LMNB1: variants seen among roughly 807,000 people sequenced by gnomAD.
LMNB1 encodes the protein lamin B1, also known as lamin-B1.
A neutral mutation model predicts 67.1 loss-of-function variants in LMNB1; 23 were observed. The observed-to-expected ratio is 0.34, with a 90% confidence interval of 0.25 to 0.49. The LOEUF (loss-of-function observed/expected upper bound fraction) is 0.49, where lower values mean the gene tolerates loss of function less well. Among genes scored for constraint, LMNB1 ranks in the 20% least tolerant of loss-of-function variants. LMNB1 has a pLI of 0.99. For missense variants in LMNB1, 634 were observed against 746.5 expected, an observed-to-expected ratio of 0.85 and a Z score of 1.76; for synonymous variants, 281 against 282.9, an observed-to-expected ratio of 0.99 and a Z score of 0.07.
chr5:126,778,082 G>T (rs1238817462), intron 1 of LMNB1, among the ~76,000 whole-genome samples: 1 of 152,202 alleles, frequency 6.6e-6, no homozygotes, highest in Admixed American at 6.5e-5. Flanking sequence ...AGCGCTGGGG[G>T]GCCGTGATGC....
chr5:126,812,152 C>T (rs1444831148), intron 5 of LMNB1, among the ~76,000 whole-genome samples: 1 of 152,170 alleles, frequency 6.6e-6, no homozygotes, highest in Non-Finnish European at 1.5e-5. Context: ...AGGAAGGAGC[C>T]TGCTAGTTTA....
At chr5:126,778,789 T>C (rs751595087) in intron 1 of LMNB1, among the ~76,000 whole-genome samples, 6 of 152,178 alleles carry the variant, frequency 3.9e-5, no homozygotes, top group Non-Finnish European at 7.3e-5. Context: ...AGTCGACCAC[T>C]GTGCAGATAG....
At chr5:126,818,150 T>A (rs1343096857) in intron 5 of LMNB1, among the ~76,000 whole-genome samples, 1 of 152,172 alleles carries the variant, frequency 6.6e-6, no homozygotes, top group Non-Finnish European at 1.5e-5. Flanking sequence ...CCAGAGTCCC[T>A]TTGCCTTGGT....
chr5:126,787,546 A>ATATATATATATATATATATATTTT, intron 1 of LMNB1, among the ~76,000 whole-genome samples: 1 of 65,584 alleles, frequency 1.5e-5, no homozygotes, highest in Non-Finnish European at 2.7e-5. Context: ...ATATATATAT[A>ATATATATATATATATATATATTTT]TTTTTTTTTT....
At chr5:126,810,132 G>A (rs1301938808) in intron 3 of LMNB1, 48 bp from the exon 4 acceptor site, 1 of 1,546,562 alleles carries the variant, frequency 6.5e-7, no homozygotes, top group Admixed American at 1.7e-5. Context: ...GTGTACCAAT[G>A]CAGCCATGGT....
intron 9 of LMNB1, among the ~76,000 whole-genome samples, chr5:126,831,268 TAC>T (rs147231856): frequency 7.1e-4 from 108 of 152,304 alleles, no homozygotes; most frequent in African/African-American, 2.4e-3. Context: ...TAGGACAGGG[TAC>T]AGAATAAAAT....
At position 126,810,358 on chromosome 5, in the gene LMNB1, C is replaced by T. The variant is rs759937381; in HGVS notation, c.813+8C>T. On this transcript the variant is annotated splice_region_variant and intron_variant, in intron 4 of 10. Transcript: ENST00000261366. ...CAGACTTACCATGCCAAAGTGAGCTCTCTTCAGAAGATTCTTTTGAACACT... is the reference window on the plus strand; with the variant it reads ...CAGACTTACCATGCCAAAGTGAGCTTTCTTCAGAAGATTCTTTTGAACACT... 2 of 1,586,084 alleles carry T rather than the reference C, an allele frequency of 1.3e-6. No homozygotes were observed. Among genetic ancestry groups the T allele is most frequent in the East Asian group, 4.5e-5 (2 of 44,308 alleles).
rs1003311910 is a variant in LMNB1, at chr5:126,836,395, G to A, written c.*131G>A. 1 of 649,404 alleles carries A rather than the reference G, an allele frequency of 1.5e-6. No homozygotes were observed. Among genetic ancestry groups the A allele is most frequent in the Non-Finnish European group, 2.7e-6 (1 of 372,972 alleles). 40.2% of individuals were successfully genotyped at this position (649,404 alleles called of 1,614,324 possible). A position where few individuals can be genotyped will look rare whatever the true frequency, so the allele number is the denominator to read the frequency against. On this transcript the variant is annotated 3_prime_UTR_variant, in exon 11 of 11. Transcript: ENST00000261366. ...GAATTTTTAAGCTGCAAATCTGATG[G>A]CCTTAATTTCCTTTTTGACACTGAA...
Position 126,836,217 on chromosome 5 carries a change from C to A in LMNB1, c.1720-6C>A. The A allele has an allele frequency of 6.2e-7, 1 of 1,605,218 alleles. No individual in the cohort carries two copies. Among genetic ancestry groups the A allele is most frequent in the Non-Finnish European group, 8.5e-7 (1 of 1,172,872 alleles). ...TATTAATTTTTCCTTCTGTTTTCCT[C>A]ATCAGGGAACCCCAAGAGCATCCAA... On this transcript the variant is annotated splice_region_variant and splice_polypyrimidine_tract_variant and intron_variant, in intron 10 of 10. Transcript: ENST00000261366.
chr5:126,836,552 C>CTT lies in LMNB1; in HGVS notation c.*296_*297dup. ...GACTTTTTTTGTATGTGTGTTTTTT[C>CTT]TTTTTTTTTAAGTTCTTATGAGGAG... is the stretch of plus-strand genomic sequence containing the variant. On this transcript the variant is annotated 3_prime_UTR_variant, in exon 11 of 11. Coordinates refer to ENST00000261366, the MANE Select transcript of LMNB1 (RefSeq NM_005573.4). 2.9e-6 allele frequency: 1 copy of CTT among 342,040 alleles called. No homozygotes were observed. Among genetic ancestry groups the CTT allele is most frequent in the Non-Finnish European group, 5.2e-6 (1 of 193,186 alleles). 21.2% of individuals were successfully genotyped at this position (342,040 alleles called of 1,614,324 possible). A position where few individuals can be genotyped will look rare whatever the true frequency, so the allele number is the denominator to read the frequency against.
At chr5:126,821,165 A>G (rs928975271) in intron 7 of LMNB1, 30 bp downstream of exon 7, 1 of 1,463,416 alleles carries the variant, frequency 6.8e-7, no homozygotes, top group African/African-American at 1.4e-5. Context: ...TTTTTCTAGC[A>G]AGGCTTTGTG....
At chr5:126,795,988 A>C (rs1251229216) in intron 1 of LMNB1, among the ~76,000 whole-genome samples, 1 of 119,618 alleles carries the variant, frequency 8.4e-6, no homozygotes, top group Admixed American at 1.1e-4. Flanking sequence ...GTGGGAGTGC[A>C]ATGGTGCGAT....
chr5:126,836,384 C>T lies in LMNB1; in HGVS notation c.*120C>T, dbSNP rs1012303389. 4 of 704,694 alleles carry T rather than the reference C, an allele frequency of 5.7e-6. No individual in the cohort carries two copies. The African/African-American group carries it at 7.2e-5, about 13-fold the overall frequency. The allele number at this position is 704,694 out of a possible 1,614,324, so 43.7% of individuals were successfully genotyped here. On this transcript the variant is annotated 3_prime_UTR_variant, in exon 11 of 11. Coordinates refer to ENST00000261366, the MANE Select transcript of LMNB1 (RefSeq NM_005573.4). ...TTCCTTTATGTGAATTTTTAAGCTGCAAATCTGATGGCCTTAATTTCCTTT... is the reference window on the plus strand; with the variant it reads ...TTCCTTTATGTGAATTTTTAAGCTGTAAATCTGATGGCCTTAATTTCCTTT...
Position 126,777,731 on chromosome 5 carries a change from C to T in LMNB1, c.223C>T (p.Leu75Phe). Residue 75 changes from leucine to phenylalanine, a missense_variant, in exon 1 of 11, where the codon CTC (leucine) becomes TTC (phenylalanine). Coordinates refer to ENST00000261366, the MANE Select transcript of LMNB1 (RefSeq NM_005573.4). The stretch of plus-strand genomic sequence containing the variant: ...GCGCGAGGAGGTGCGCGGCCGTGAG[C>T]TCACCGGCCTCAAGGCGCTCTACGA... ...TEREEVRGRELTGLKALYETE... is the reference protein window; with the variant it reads ...TEREEVRGREFTGLKALYETE... The T allele has an allele frequency of 6.5e-7, 1 of 1,540,740 alleles. No homozygotes were observed. Among genetic ancestry groups the T allele is most frequent in the East Asian group, 2.5e-5 (1 of 39,830 alleles).
In LMNB1 at chr5:126,783,683, C is replaced by G. The variant is rs1262485912; in HGVS notation, c.359+5816C>G. Among the ~76,000 whole-genome samples, 4 of 152,106 alleles carry G rather than the reference C, an allele frequency of 2.6e-5. No individual in the cohort carries two copies. The East Asian group carries it at 5.8e-4, about 22-fold the overall frequency. ...ACCCAGATTCAAGGAAGTAAACAGG[C>G]AGAATGAAAGATAAAGCACTATTAA... On this transcript the variant is annotated intron_variant, in intron 1 of 10. Coordinates refer to ENST00000261366, the MANE Select transcript of LMNB1 (RefSeq NM_005573.4).
chr5:126,821,045 C>T lies in LMNB1; in HGVS notation c.1296C>T (p.Ile432=), dbSNP rs1751856180. Residue 432 remains isoleucine (I), a synonymous_variant, in exon 7 of 11, where the codon ATC becomes ATT. Transcript: ENST00000261366. ...EESEASSSVS[I]SHSASATGNV... is the part of the protein sequence containing the mutation. Reference sequence around the variant, plus strand: ...CAGAGGCGAGTAGTAGTGTTAGCATCTCTCATTCCGCCTCAGCCACTGGAA... The same window carrying T: ...CAGAGGCGAGTAGTAGTGTTAGCATTTCTCATTCCGCCTCAGCCACTGGAA... 6.2e-7 allele frequency: 1 copy of T among 1,613,870 alleles called. No individual in the cohort carries two copies. The highest frequency in any genetic ancestry group is 1.1e-5 in the South Asian group (1 of 91,084).
chr5:126,816,003 A>G lies in LMNB1; in HGVS notation c.940-2919A>G, dbSNP rs147197113. ...GAATCTTGGGTAGTTTATATCTCTC[A>G]TCAACTCTCCTTTAGATTCTACCTT... On this transcript the variant is annotated intron_variant, in intron 5 of 10. Coordinates refer to ENST00000261366, the MANE Select transcript of LMNB1 (RefSeq NM_005573.4). Among the ~76,000 whole-genome samples the G allele has an allele frequency of 8.6e-3, 1,314 of 152,228 alleles. 30 individuals carry two copies. The highest frequency in any genetic ancestry group is 0.03 in the African/African-American group (1,263 of 41,542).
intron 1 of LMNB1, among the ~76,000 whole-genome samples, chr5:126,784,517 G>T (rs1436533311): frequency 6.6e-6 from 1 of 150,956 alleles, no homozygotes; most frequent in African/African-American, 2.4e-5. Flanking sequence ...CACCACGCCC[G>T]GCTAATTTTT....
At chr5:126,787,204 G>T (rs1276312036) in intron 1 of LMNB1, among the ~76,000 whole-genome samples, 2 of 152,018 alleles carry the variant, frequency 1.3e-5, no homozygotes, top group Non-Finnish European at 2.9e-5. Context: ...TATATTAAGT[G>T]CTGTGATGCC....
Sources: gnomAD v4.1 joint callset for allele counts (sites outside exome capture counted in the v4.1 genomes callset) on GRCh38, gnomAD v4.1.1 for gene constraint, MANE v1.5 for transcripts, NCBI Gene and HGNC (gene_info 2026-07-23, HGNC 2026-07-21) for gene names.